PAXIP1: variants seen among roughly 807,000 people sequenced by gnomAD.
The protein encoded by PAXIP1 is PAX-interacting protein 1.
A neutral mutation model predicts 140.6 loss-of-function variants in PAXIP1; 19 were observed. That is an observed-to-expected ratio of 0.14 (90% CI 0.09 to 0.20). PAXIP1 has a LOEUF of 0.20. PAXIP1 is among the 10% of genes least tolerant of loss of function. The pLI is 1.00. For missense variants in PAXIP1, 920 were observed against 1,208.6 expected (o/e 0.76, Z 3.54); for synonymous variants, 442 against 444.6 (o/e 0.99, Z 0.07).
At chr7:155,002,366 T>G (rs1256916755) in intron 1 of PAXIP1, among the ~76,000 whole-genome samples, 1 of 152,070 alleles carries the variant, frequency 6.6e-6, no homozygotes, top group East Asian at 1.9e-4. Flanking sequence ...GCCAAGCCGG[T>G]GCACGGCCAC....
chr7:154,985,890 TG>T, intron 4 of PAXIP1: 1 of 637,376 alleles, frequency 1.6e-6, no homozygotes, highest in Non-Finnish European at 2.4e-6. Context: ...GCAAGGCACA[TG>T]GGTAGGCAGT....
chr7:154,959,612 G>A (rs1271112090), intron 13 of PAXIP1, among the ~76,000 whole-genome samples: 3 of 152,148 alleles, frequency 2.0e-5, no homozygotes, highest in African/African-American at 7.2e-5. Context: ...TCCCAACTCA[G>A]GACACTATGA....
intron 6 of PAXIP1, among the ~76,000 whole-genome samples, chr7:154,970,161 C>A (rs1360110745): frequency 6.6e-6 from 1 of 152,128 alleles, no homozygotes; most frequent in Non-Finnish European, 1.5e-5. Flanking sequence ...AATTTGAAAC[C>A]AACTTCTTAT....
At chr7:154,990,145 G>A (rs1810262004) in intron 4 of PAXIP1, among the ~76,000 whole-genome samples, 1 of 149,240 alleles carries the variant, frequency 6.7e-6, no homozygotes, top group African/African-American at 2.5e-5. Flanking sequence ...AGGTTCAAGT[G>A]ATTCTCCTGC....
chr7:154,963,179 C>A lies in PAXIP1; in HGVS notation c.1989+492G>T, dbSNP rs1808844952. Among the ~76,000 whole-genome samples, 1 of 151,426 alleles carries A rather than the reference C, an allele frequency of 6.6e-6. No individual in the cohort carries two copies. Among genetic ancestry groups the A allele is most frequent in the Non-Finnish European group, 1.5e-5 (1 of 67,860 alleles). On this transcript the variant is annotated intron_variant, in intron 9 of 20. Coordinates refer to ENST00000404141, the MANE Select transcript of PAXIP1 (RefSeq NM_007349.4). The surrounding 1 kb of genome is among the most constrained non-coding windows in gnomAD (Gnocchi z 4.1). ...TGCAGGGAGTGTCCGCCCTTTCTTT[C>A]TTTTATTTTTTTTTGAGATGGAGTC...
At chr7:154,944,889 GC>G (rs1807862796) in intron 20 of PAXIP1, 1 of 152,004 alleles carries the variant, frequency 6.6e-6, no homozygotes, top group South Asian at 2.1e-4. Flanking sequence ...AATGGTAAGA[GC>G]GTTTCTGCAC....
chr7:154,999,697 G>A (rs1251381633), intron 1 of PAXIP1, among the ~76,000 whole-genome samples: 1 of 152,188 alleles, frequency 6.6e-6, no homozygotes, highest in African/African-American at 2.4e-5. Context: ...ACACAAGGAC[G>A]TGTTTTAGTT....
chr7:154,982,182 T>C (rs6970290), intron 5 of PAXIP1, among the ~76,000 whole-genome samples: 3,947 of 152,300 alleles, frequency 0.026, 175 homozygotes, highest in East Asian at 0.17. Flanking sequence ...ATGGAAAATA[T>C]GTTTTTTACT....
At chr7:154,979,613 A>G (rs1809749049) in intron 5 of PAXIP1, among the ~76,000 whole-genome samples, 1 of 149,714 alleles carries the variant, frequency 6.7e-6, no homozygotes, top group Admixed American at 6.7e-5. Flanking sequence ...AGCCACAAAC[A>G]TAACATAATC....
chr7:154,967,266 T>A (rs1469515467), intron 8 of PAXIP1: 1 of 153,220 alleles, frequency 6.5e-6, no homozygotes, highest in Non-Finnish European at 1.5e-5. Context: ...TCAAGATATA[T>A]TAGAGGCATA....
intron 3 of PAXIP1, among the ~76,000 whole-genome samples, chr7:154,991,401 C>T (rs905534037): frequency 6.6e-6 from 1 of 152,120 alleles, no homozygotes; most frequent in Non-Finnish European, 1.5e-5. Context: ...CATGCCTATA[C>T]ACATACACAC....
rs902899230 is a variant in PAXIP1, at chr7:154,954,954, T to A, written c.2653-531A>T. ...TAGCATTTATAATTGTTTCTTTTCCTTAAAAAGGAAACCAGGAGTAAAATG... is the reference window on the plus strand; with the variant it reads ...TAGCATTTATAATTGTTTCTTTTCCATAAAAAGGAAACCAGGAGTAAAATG... On this transcript the variant is annotated intron_variant, in intron 15 of 20. Transcript: ENST00000404141. This position sits in a 1 kb window ranked among gnomAD's most constrained non-coding sequence, Gnocchi z 5.1. Among the ~76,000 whole-genome samples the A allele has an allele frequency of 6.6e-6, 1 of 152,250 alleles. No homozygotes were observed. Among genetic ancestry groups the A allele is most frequent in the African/African-American group, 2.4e-5 (1 of 41,464 alleles).
chr7:154,985,870 C>T, intron 4 of PAXIP1: 1 of 470,834 alleles, frequency 2.1e-6, no homozygotes, highest in Non-Finnish European at 3.6e-6. Flanking sequence ...TTCACAGCAC[C>T]TAGTACAGTG....
intron 13 of PAXIP1, among the ~76,000 whole-genome samples, chr7:154,959,075 C>T (rs778933576): frequency 3.9e-5 from 6 of 152,094 alleles, no homozygotes; most frequent in African/African-American, 1.2e-4. Context: ...ATCTGGAAAA[C>T]GAGTAAGTCA....
At position 154,954,983 on chromosome 7, in the gene PAXIP1, G is replaced by C. The variant is rs974452975; in HGVS notation, c.2652+546C>G. Among the ~76,000 whole-genome samples the C allele has an allele frequency of 9.2e-5, 14 of 152,026 alleles. No homozygotes were observed. The highest frequency in any genetic ancestry group is 1.2e-4 in the Non-Finnish European group (8 of 68,004). ...AAAGGAAACCAGGAGTAAAATGTAC[G>C]AATCCACCATAATACAGGTCAACTT... On this transcript the variant is annotated intron_variant, in intron 15 of 20. Transcript: ENST00000404141. This position sits in a 1 kb window ranked among gnomAD's most constrained non-coding sequence, Gnocchi z 5.1.
At chr7:154,994,928 T>C (rs947996367) in intron 2 of PAXIP1, among the ~76,000 whole-genome samples, 3 of 152,194 alleles carry the variant, frequency 2.0e-5, no homozygotes, top group Admixed American at 6.5e-5. Context: ...TTCACATTTT[T>C]TGATAGTCCT....
chr7:154,946,019 A>G lies in PAXIP1; in HGVS notation c.3194+346T>C. The G allele has an allele frequency of 1.0e-6, 1 of 984,788 alleles. No homozygotes were observed. Among genetic ancestry groups the G allele is most frequent in the Non-Finnish European group, 1.2e-6 (1 of 829,312 alleles). 61.0% of individuals were successfully genotyped at this position (984,788 alleles called of 1,614,324 possible). A position where few individuals can be genotyped will look rare whatever the true frequency, so the allele number is the denominator to read the frequency against. On this transcript the variant is annotated intron_variant, in intron 20 of 20. Coordinates refer to ENST00000404141, the MANE Select transcript of PAXIP1 (RefSeq NM_007349.4). This position sits in a 1 kb window ranked among gnomAD's most constrained non-coding sequence, Gnocchi z 4.9. ...CGAACTAAATTTCATTTGGAAAACT[A>G]CAAACTCAAAGGTGAGCTGATAAAA...
intron 1 of PAXIP1, 58 bp downstream of exon 1, chr7:155,002,791 C>T (rs1049215538): frequency 1.0e-6 from 1 of 985,420 alleles, no homozygotes; most frequent in South Asian, 2.1e-5. Context: ...GGGACGGGGA[C>T]GGGGACGGAC....
At chr7:155,002,797 C>T (rs1287867897) in intron 1 of PAXIP1, 52 bp downstream of exon 1, 4 of 1,052,606 alleles carry the variant, frequency 3.8e-6, no homozygotes, top group African/African-American at 1.8e-5. Context: ...GGGACGGGGA[C>T]GGACGGGGAC....
Sources: allele counts gnomAD v4.1 joint callset (sites outside exome capture counted in the v4.1 genomes callset), GRCh38; gene constraint gnomAD v4.1.1; non-coding constraint Gnocchi (gnomAD v3.1); transcripts MANE v1.5; gene names NCBI Gene and HGNC (gene_info 2026-07-23, HGNC 2026-07-21).